Variants in ABCA13 observed in about 807,000 individuals in gnomAD.
ABCA13 encodes the protein ATP binding cassette subfamily A member 13.
ABCA13 carries 476 observed loss-of-function variants against 478.7 expected under a neutral mutation model. The ratio of observed to expected loss-of-function variants is 0.99; its 90% confidence interval spans 0.92 to 1.07. The LOEUF (loss-of-function observed/expected upper bound fraction) is 1.07, where lower values mean the gene tolerates loss of function less well. Ranked by LOEUF, ABCA13 falls within the 50% of genes least tolerant of loss-of-function variation. The pLI, the probability that ABCA13 is intolerant of heterozygous loss-of-function variation, is 0.00. For missense variants in ABCA13, 6,060 were observed against 5,910.6 expected (o/e 1.03, Z -0.83); for synonymous variants, 2,252 against 2,158.9 (o/e 1.04, Z -1.20).
chr7:48,412,052 G>A (rs1585210567), intron 40 of ABCA13, among the ~76,000 whole-genome samples: 1 of 152,276 alleles, frequency 6.6e-6, no homozygotes, highest in East Asian at 1.9e-4. Flanking sequence ...TGGACGGGGG[G>A]CACTTCATGA....
In ABCA13 at chr7:48,227,245, AT is replaced by A. The variant is rs150972279; in HGVS notation, c.469-9del. 4.4e-6 allele frequency: 7 copies of A among 1,609,108 alleles called. No homozygotes were observed. The highest frequency in any genetic ancestry group is 3.4e-5 in the Admixed American group (2 of 59,244). On this transcript the variant is annotated splice_polypyrimidine_tract_variant and intron_variant, in intron 5 of 61. Transcript: ENST00000435803. ...AACTCCAGAGGGAAACTTTTGGTGT[AT>A]TTTTTTTCCCATCAGATGGATCTCA...
chr7:48,342,154 G>T (rs552210786), intron 29 of ABCA13, among the ~76,000 whole-genome samples: 1 of 151,574 alleles, frequency 6.6e-6, no homozygotes, highest in Non-Finnish European at 1.5e-5. Flanking sequence ...TTGGGTTAAT[G>T]ACTTCCAGCT....
chr7:48,450,539 T>C (rs1301442709), intron 42 of ABCA13, among the ~76,000 whole-genome samples: 3 of 152,202 alleles, frequency 2.0e-5, no homozygotes, highest in Admixed American at 6.5e-5. Context: ...AATGCAACTT[T>C]TCACTAAAAG....
intron 48 of ABCA13, among the ~76,000 whole-genome samples, chr7:48,491,814 C>T (rs1829865276): frequency 1.3e-5 from 2 of 152,138 alleles, no homozygotes; most frequent in Admixed American, 1.3e-4. Flanking sequence ...ATGGACAGAG[C>T]TAGAACTATT....
intron 31 of ABCA13, among the ~76,000 whole-genome samples, chr7:48,358,201 A>C (rs1399872121): frequency 1.0e-4 from 12 of 117,632 alleles, no homozygotes; most frequent in South Asian, 3.1e-4. Flanking sequence ...CAGGACAGGA[A>C]AGGAAAGGAA....
chr7:48,225,722 G>T (rs1350650267), intron 5 of ABCA13, among the ~76,000 whole-genome samples: 2 of 152,066 alleles, frequency 1.3e-5, no homozygotes, highest in Non-Finnish European at 2.9e-5. Context: ...TGTACTTATG[G>T]CAGGAACAGC....
intron 41 of ABCA13, among the ~76,000 whole-genome samples, chr7:48,425,865 C>T (rs1360693080): frequency 2.0e-5 from 3 of 152,014 alleles, no homozygotes; most frequent in African/African-American, 7.2e-5. Context: ...CCTCAGCCTC[C>T]GGAGTAGCTG....
intron 47 of ABCA13, among the ~76,000 whole-genome samples, chr7:48,485,708 A>G (rs1829229742): frequency 6.6e-6 from 1 of 152,218 alleles, no homozygotes; most frequent in Admixed American, 6.5e-5. Context: ...CGTTAGTAGC[A>G]TCAAGAGTAA....
chr7:48,420,222 A>G (rs1375459230), intron 41 of ABCA13, among the ~76,000 whole-genome samples: 2 of 152,200 alleles, frequency 1.3e-5, no homozygotes, highest in East Asian at 3.8e-4. Context: ...ACTGGAATAC[A>G]CTTACTATAA....
At chr7:48,199,945 T>G (rs1161820065) in intron 3 of ABCA13, among the ~76,000 whole-genome samples, 1 of 152,232 alleles carries the variant, frequency 6.6e-6, no homozygotes, top group Non-Finnish European at 1.5e-5. Context: ...TTTACTCACT[T>G]CAAGTGTTGT....
At chr7:48,341,698 G>A (rs557566609) in intron 29 of ABCA13, among the ~76,000 whole-genome samples, 2 of 150,268 alleles carry the variant, frequency 1.3e-5, no homozygotes, top group South Asian at 2.1e-4. Flanking sequence ...ATTGATTTCT[G>A]CTCTCTATTG....
intron 27 of ABCA13, among the ~76,000 whole-genome samples, chr7:48,331,473 G>C (rs982752827): frequency 1.3e-5 from 2 of 152,184 alleles, no homozygotes; most frequent in African/African-American, 2.4e-5. Flanking sequence ...TCAGTCCATT[G>C]CTGTTTTTAT....
At chr7:48,292,096 C>T (rs1026367049) in intron 20 of ABCA13, among the ~76,000 whole-genome samples, 3 of 152,276 alleles carry the variant, frequency 2.0e-5, no homozygotes, top group African/African-American at 7.2e-5. Context: ...TTCCAAATTT[C>T]CTTCTCCAGC....
intron 27 of ABCA13, among the ~76,000 whole-genome samples, chr7:48,334,957 T>C (rs1227838501): frequency 1.3e-5 from 2 of 152,246 alleles, no homozygotes; most frequent in Non-Finnish European, 2.9e-5. Context: ...TGCATTTTTC[T>C]GATACCAAAT....
intron 41 of ABCA13, among the ~76,000 whole-genome samples, chr7:48,414,918 G>A (rs769300507): frequency 1.2e-4 from 18 of 152,174 alleles, no homozygotes; most frequent in Non-Finnish European, 2.4e-4. Context: ...CGTTGCTGCC[G>A]TAGCTTTGGA....
intron 58 of ABCA13, among the ~76,000 whole-genome samples, chr7:48,603,010 T>G (rs1791074144): frequency 6.6e-6 from 1 of 152,170 alleles, no homozygotes; most frequent in Non-Finnish European, 1.5e-5. Context: ...GGGAGTTCAT[T>G]CATGATTTGA....
chr7:48,586,882 G>C (rs575251882), intron 56 of ABCA13, among the ~76,000 whole-genome samples: 99 of 152,150 alleles, frequency 6.5e-4, no homozygotes, highest in African/African-American at 2.1e-3. Context: ...CCCCAACCTT[G>C]AGTGTGTTTC....
chr7:48,534,877 G>A (rs1207459844), intron 55 of ABCA13, among the ~76,000 whole-genome samples: 2 of 151,918 alleles, frequency 1.3e-5, no homozygotes, highest in African/African-American at 4.8e-5. Context: ...AAAATTTATG[G>A]TATCTATTAC....
At chr7:48,576,427 G>GA (rs1788194115) in intron 55 of ABCA13, among the ~76,000 whole-genome samples, 1 of 152,146 alleles carries the variant, frequency 6.6e-6, no homozygotes, top group Non-Finnish European at 1.5e-5. Flanking sequence ...GAAGACAGGG[G>GA]AAAAATCCTT....
Sources: gnomAD v4.1 joint callset for allele counts (sites outside exome capture counted in the v4.1 genomes callset) on GRCh38, gnomAD v4.1.1 for gene constraint, MANE v1.5 for transcripts, NCBI Gene and HGNC (gene_info 2026-07-23, HGNC 2026-07-21) for gene names.